VPS4B: variants seen among roughly 807,000 people sequenced by gnomAD.
VPS4B encodes vacuolar protein sorting-associated protein 4B.
A neutral mutation model predicts 56.1 loss-of-function variants in VPS4B; 23 were observed. That is an observed-to-expected ratio of 0.41 (90% CI 0.30 to 0.58). VPS4B has a LOEUF of 0.58. Among genes scored for constraint, VPS4B ranks in the 20% least tolerant of loss-of-function variants. The probability of loss-of-function intolerance (pLI) is 0.29; values close to 1 mark genes in which losing one functional copy is unlikely to be tolerated. For synonymous variants in VPS4B, 177 were observed against 186.0 expected, an observed-to-expected ratio of 0.95 and a Z score of 0.39; for missense variants, 372 against 531.9, an observed-to-expected ratio of 0.70 and a Z score of 2.96.
intron 1 of VPS4B, among the ~76,000 whole-genome samples, chr18:63,420,921 C>T (rs1179337775): frequency 6.6e-6 from 1 of 151,314 alleles, no homozygotes; most frequent in African/African-American, 2.4e-5. Context: ...GCCTGTAGTC[C>T]CAGGTACTCA....
chr18:63,405,823 AC>A (rs201792698), intron 4 of VPS4B, among the ~76,000 whole-genome samples: 3 of 151,096 alleles, frequency 2.0e-5, no homozygotes, highest in South Asian at 2.1e-4. Context: ...AAACAAACAA[AC>A]AAAAAAAAAA....
At chr18:63,409,278 T>G (rs1313068101) in intron 3 of VPS4B, among the ~76,000 whole-genome samples, 2 of 152,212 alleles carry the variant, frequency 1.3e-5, no homozygotes, top group Non-Finnish European at 2.9e-5. Flanking sequence ...TCAACACTGG[T>G]TCTTATATTC....
chr18:63,411,669 TA>T (rs1916049709), intron 1 of VPS4B, 91 bp from the exon 2 acceptor site: 9 of 881,296 alleles, frequency 1.0e-5, no homozygotes, highest in East Asian at 3.1e-5. Context: ...TTTTTTTTTT[TA>T]AAGCTTCTCA....
chr18:63,404,065 C>T (rs1229797561), intron 4 of VPS4B, among the ~76,000 whole-genome samples: 1 of 152,138 alleles, frequency 6.6e-6, no homozygotes, highest in Admixed American at 6.6e-5. Flanking sequence ...GTTTCAGCTT[C>T]CTCACTTGTG....
chr18:63,412,153 T>G (rs1472732791), intron 1 of VPS4B, among the ~76,000 whole-genome samples: 1 of 152,042 alleles, frequency 6.6e-6, no homozygotes, highest in Non-Finnish European at 1.5e-5. Flanking sequence ...AAACAAAACC[T>G]GGAAACTTAA....
intron 5 of VPS4B, 42 bp from the exon 6 acceptor site, chr18:63,400,745 C>A: frequency 6.4e-7 from 1 of 1,566,678 alleles, no homozygotes; most frequent in Non-Finnish European, 8.7e-7. Context: ...AATTTTAACA[C>A]TTAATTGTAT....
At position 63,397,125 on chromosome 18, in the gene VPS4B, T is replaced by C; in HGVS notation, c.1001A>G (p.Asp334Gly). ...ACTTATATCTGCCCCTGAATAACCA[T>C]CTGTTTTCCTCCCAAGTTCCCGAAA... ...ADFRELGRKT[D>G]GYSGADISII... Residue 334 changes from aspartate to glycine, a missense_variant, in exon 9 of 11, where the codon GAT becomes GGT. Asp to Gly is a moderately conservative substitution (Grantham distance 94). Coordinates refer to ENST00000238497, the MANE Select transcript of VPS4B (RefSeq NM_004869.4). 6.2e-7 allele frequency: 1 copy of C among 1,614,152 alleles called. No individual in the cohort carries two copies. Among genetic ancestry groups the C allele is most frequent in the Non-Finnish European group, 8.5e-7 (1 of 1,180,034 alleles).
At chr18:63,408,577 G>C (rs1915967040) in intron 3 of VPS4B, among the ~76,000 whole-genome samples, 1 of 152,172 alleles carries the variant, frequency 6.6e-6, no homozygotes, top group Non-Finnish European at 1.5e-5. Flanking sequence ...AGAATCTTCA[G>C]GCGAAGGCAC....
At chr18:63,391,349 C>A (rs1238675285) in intron 10 of VPS4B, among the ~76,000 whole-genome samples, 1 of 151,982 alleles carries the variant, frequency 6.6e-6, no homozygotes, top group African/African-American at 2.4e-5. Flanking sequence ...CTGCCTCAGC[C>A]TCCCAAGTAG....
chr18:63,410,339 C>CT lies in VPS4B; in HGVS notation c.246dup (p.Ala83SerfsTer15). ...TGTCCTTCTTTCACTGGCTTCTGTG[C>CT]TTTTTTCTCTTTATTTTTCAGGTAC... is the stretch of plus-strand genomic sequence containing the variant. On this transcript the variant is annotated frameshift_variant, in exon 3 of 11. Coordinates refer to ENST00000238497, the MANE Select transcript of VPS4B (RefSeq NM_004869.4). LOFTEE classifies it high-confidence loss of function. 6.2e-7 allele frequency: 1 copy of CT among 1,614,002 alleles called. No homozygotes were observed.
Position 63,392,685 on chromosome 18 carries a change from T to C in VPS4B, c.1233+724A>G, listed in dbSNP as rs181726975. Among the ~76,000 whole-genome samples, 1,164 of 152,034 alleles carry C rather than the reference T, an allele frequency of 7.7e-3. 6 individuals carry two copies. The highest frequency in any genetic ancestry group is 0.034 in the Middle Eastern group (10 of 292). ...GGATGGTCTCGATCTCCTGACCTCA[T>C]GATCCACCCGCCTCGGCCTCCCAAA... On this transcript the variant is annotated intron_variant, in intron 10 of 10. Coordinates refer to ENST00000238497, the MANE Select transcript of VPS4B (RefSeq NM_004869.4).
At position 63,393,476 on chromosome 18, in the gene VPS4B, G is replaced by T; in HGVS notation, c.1166C>A (p.Pro389His). Residue 389 changes from proline to histidine, a missense_variant, in exon 10 of 11, where the codon CCT (proline) becomes CAT (histidine). Around this residue, in one of 3 missense-constraint regions of VPS4B, gnomAD observed 153 missense variants for 190.9 expected, o/e 0.80. Coordinates refer to ENST00000238497, the MANE Select transcript of VPS4B (RefSeq NM_004869.4). ...DLLTPCSPGD[P>H]GAIEMTWMDV... ...CATCCATGTCATTTCAATGGCACCA[G>T]GGTCACCTGGAGAGCAAGGTGTTAG... 1 of 1,612,856 alleles carries T rather than the reference G, an allele frequency of 6.2e-7. No individual in the cohort carries two copies.
At chr18:63,413,216 C>T (rs1916084593) in intron 1 of VPS4B, among the ~76,000 whole-genome samples, 1 of 152,168 alleles carries the variant, frequency 6.6e-6, no homozygotes, top group Non-Finnish European at 1.5e-5. Context: ...TGTCCCAGTT[C>T]TACAAGATGC....
Position 63,409,063 on chromosome 18 carries a change from C to G in VPS4B, c.296+1227G>C, listed in dbSNP as rs551989285. On this transcript the variant is annotated intron_variant, in intron 3 of 10. Coordinates refer to ENST00000238497, the MANE Select transcript of VPS4B (RefSeq NM_004869.4). The stretch of plus-strand genomic sequence containing the variant: ...TGTCCTCACTTTCATATAAGAAACC[C>G]TAAGTTGGAATTCAGTAATTTGTAA... 3.3e-5 allele frequency among the ~76,000 whole-genome samples: 5 copies of G among 152,206 alleles called. No individual in the cohort carries two copies. The South Asian group carries it at 8.3e-4, about 25-fold the overall frequency.
intron 5 of VPS4B, 76 bp from the exon 6 acceptor site, chr18:63,400,779 G>T (rs1915792153): frequency 4.3e-6 from 6 of 1,404,002 alleles, no homozygotes; most frequent in East Asian, 2.5e-5. Flanking sequence ...GAATACTCTG[G>T]AAAGATTTTC....
At chr18:63,418,821 T>C (rs1248933374) in intron 1 of VPS4B, among the ~76,000 whole-genome samples, 1 of 152,210 alleles carries the variant, frequency 6.6e-6, no homozygotes, top group Non-Finnish European at 1.5e-5. Flanking sequence ...CTCTCCAGGA[T>C]GTGACTCTGT....
chr18:63,399,876 G>A (rs919157737), intron 7 of VPS4B, among the ~76,000 whole-genome samples, 172 bp downstream of exon 7: 9 of 151,924 alleles, frequency 5.9e-5, no homozygotes, highest in South Asian at 2.1e-4. Context: ...TAAATTAGCC[G>A]GGCATGGTGG....
chr18:63,402,303 T>C (rs1915829349), intron 5 of VPS4B, among the ~76,000 whole-genome samples: 1 of 152,218 alleles, frequency 6.6e-6, no homozygotes, highest in African/African-American at 2.4e-5. Context: ...CAAAGCAGTC[T>C]TTTCAATAAC....
intron 1 of VPS4B, chr18:63,416,012 C>T (rs376748479): frequency 1.8e-4 from 39 of 214,258 alleles, no homozygotes; most frequent in African/African-American, 9.1e-4. Context: ...TTGTCCAGTC[C>T]ACCAATCATC....
Sources: gnomAD v4.1 joint callset for allele counts (sites outside exome capture counted in the v4.1 genomes callset) on GRCh38, gnomAD v4.1.1 for gene constraint, gnomAD v4.1.1 regional missense constraint, MANE v1.5 for transcripts, NCBI Gene and HGNC (gene_info 2026-07-23, HGNC 2026-07-21) for gene names.